ZNF804B: variants seen among roughly 807,000 people sequenced by gnomAD.
ZNF804B encodes zinc finger protein 804B.
A neutral mutation model predicts 101.4 loss-of-function variants in ZNF804B; 80 were observed. The ratio of observed to expected loss-of-function variants is 0.79; its 90% CI spans 0.66 to 0.95. ZNF804B has a LOEUF of 0.95. Among genes scored for constraint, ZNF804B ranks in the 40% least tolerant of loss-of-function variants. The pLI, the probability that ZNF804B is intolerant of heterozygous loss-of-function variation, is 0.00. For synonymous variants in ZNF804B, 622 were observed against 558.8 expected (o/e 1.11, Z -1.59); for missense variants, 1,673 against 1,561.9 (o/e 1.07, Z -1.20).
At chr7:88,802,664 T>A (rs1486313699) in intron 1 of ZNF804B, among the ~76,000 whole-genome samples, 1 of 151,938 alleles carries the variant, frequency 6.6e-6, no homozygotes, top group Non-Finnish European at 1.5e-5. Flanking sequence ...GTAATTTTTT[T>A]AAAGATAATA....
chr7:89,178,600 T>G (rs1467888089), intron 1 of ZNF804B, among the ~76,000 whole-genome samples: 1 of 152,158 alleles, frequency 6.6e-6, no homozygotes, highest in Non-Finnish European at 1.5e-5. Context: ...TTGTTTCTTT[T>G]TGTGTCTTAT....
intron 2 of ZNF804B, among the ~76,000 whole-genome samples, chr7:89,231,180 G>A (rs1343870069): frequency 6.6e-6 from 1 of 152,006 alleles, no homozygotes; most frequent in African/African-American, 2.4e-5. Context: ...ATATCCAGTT[G>A]TTCCAACATA....
chr7:89,067,966 G>A (rs767802867), intron 1 of ZNF804B, among the ~76,000 whole-genome samples: 37 of 150,766 alleles, frequency 2.5e-4, no homozygotes, highest in Non-Finnish European at 4.1e-4. Context: ...CTGCCACCAC[G>A]CCCAAACTAT....
intron 1 of ZNF804B, among the ~76,000 whole-genome samples, chr7:88,901,902 A>G (rs555808653): frequency 6.6e-6 from 1 of 151,914 alleles, no homozygotes; most frequent in South Asian, 2.1e-4. Flanking sequence ...TTGGTATGAT[A>G]CTAAAACCTA....
Position 88,798,219 on chromosome 7 carries a change from G to T in ZNF804B, c.108+38135G>T, listed in dbSNP as rs377375998. Among the ~76,000 whole-genome samples the T allele has an allele frequency of 2.6e-5, 4 of 152,006 alleles. No individual in the cohort carries two copies. In the South Asian group the frequency reaches 8.3e-4, roughly 32 times the overall value. The stretch of plus-strand genomic sequence containing the variant: ...TTACTCCTATCAAAAGAAGCTTAGT[G>T]GTCATCTTTTCTCACCATGTGTGCT... On this transcript the variant is annotated intron_variant, in intron 1 of 3. Transcript: ENST00000333190.
chr7:89,161,829 T>C (rs1041032844), intron 1 of ZNF804B, among the ~76,000 whole-genome samples: 12 of 152,170 alleles, frequency 7.9e-5, no homozygotes, highest in African/African-American at 2.9e-4. Context: ...GTTTGTTATT[T>C]GTAATACTTT....
intron 1 of ZNF804B, among the ~76,000 whole-genome samples, chr7:89,022,889 A>G (rs537712126): frequency 3.9e-5 from 6 of 152,292 alleles, no homozygotes; most frequent in Admixed American, 2.0e-4. Context: ...ATCTTAACCC[A>G]TGTTAATTCA....
chr7:88,792,043 G>A (rs1423655407), intron 1 of ZNF804B, among the ~76,000 whole-genome samples: 1 of 152,088 alleles, frequency 6.6e-6, no homozygotes, highest in African/African-American at 2.4e-5. Flanking sequence ...GATGTTGTCT[G>A]AAATTGCTGG....
chr7:89,098,625 G>T (rs758079592), intron 1 of ZNF804B, among the ~76,000 whole-genome samples: 2 of 151,912 alleles, frequency 1.3e-5, no homozygotes, highest in Non-Finnish European at 2.9e-5. Context: ...TAAAAACAAA[G>T]AAACAAACAA....
chr7:89,102,599 A>G (rs1583987278), intron 1 of ZNF804B, among the ~76,000 whole-genome samples: 1 of 151,896 alleles, frequency 6.6e-6, no homozygotes, highest in Non-Finnish European at 1.5e-5. Context: ...TGTCAGAGGT[A>G]TAATTTGTAA....
chr7:89,239,335 T>G (rs1789331152), intron 2 of ZNF804B, among the ~76,000 whole-genome samples: 1 of 152,076 alleles, frequency 6.6e-6, no homozygotes, highest in African/African-American at 2.4e-5. Flanking sequence ...TGAACTCTTC[T>G]CCCTCTCTTT....
chr7:89,255,148 G>A (rs1196956799), intron 2 of ZNF804B, among the ~76,000 whole-genome samples: 2 of 152,146 alleles, frequency 1.3e-5, no homozygotes, highest in Non-Finnish European at 1.5e-5. Context: ...AGAAGTAGGC[G>A]CCTTCTTCAC....
chr7:88,927,642 C>G (rs1792826492), intron 1 of ZNF804B, among the ~76,000 whole-genome samples: 1 of 152,134 alleles, frequency 6.6e-6, no homozygotes, highest in Non-Finnish European at 1.5e-5. Context: ...TGCTCTCTCT[C>G]TCTCTCTGTC....
intron 1 of ZNF804B, among the ~76,000 whole-genome samples, chr7:89,129,411 A>G (rs1790514341): frequency 6.6e-6 from 1 of 152,026 alleles, no homozygotes; most frequent in African/African-American, 2.4e-5. Flanking sequence ...TTAAACCACA[A>G]AGTACAACAA....
At chr7:88,998,706 GA>G (rs1788239157) in intron 1 of ZNF804B, among the ~76,000 whole-genome samples, 1 of 152,018 alleles carries the variant, frequency 6.6e-6, no homozygotes, top group Non-Finnish European at 1.5e-5. Context: ...TAATGTCACA[GA>G]AACATAAAAT....
At chr7:88,943,535 G>A (rs879809497) in intron 1 of ZNF804B, among the ~76,000 whole-genome samples, 4 of 151,832 alleles carry the variant, frequency 2.6e-5, no homozygotes, top group African/African-American at 4.8e-5. Flanking sequence ...CTGACCTGGA[G>A]TCTTCACTTT....
chr7:88,773,770 T>G (rs944971756), intron 1 of ZNF804B, among the ~76,000 whole-genome samples: 1 of 151,812 alleles, frequency 6.6e-6, no homozygotes, highest in Non-Finnish European at 1.5e-5. Context: ...AGTGGGAGCC[T>G]GCATGTCATA....
At chr7:89,246,726 C>A (rs1249856771) in intron 2 of ZNF804B, among the ~76,000 whole-genome samples, 1 of 152,178 alleles carries the variant, frequency 6.6e-6, no homozygotes, top group Non-Finnish European at 1.5e-5. Context: ...AGCAACCACT[C>A]ACCTGGATAA....
chr7:88,762,979 T>G (rs181620758), intron 1 of ZNF804B, among the ~76,000 whole-genome samples: 4 of 152,162 alleles, frequency 2.6e-5, no homozygotes, highest in African/African-American at 9.6e-5. Context: ...CAATTATTGG[T>G]TAAGACTACT....
Sources: gnomAD v4.1 joint callset for allele counts (sites outside exome capture counted in the v4.1 genomes callset) on GRCh38, gnomAD v4.1.1 for gene constraint, MANE v1.5 for transcripts, NCBI Gene and HGNC (gene_info 2026-07-23, HGNC 2026-07-21) for gene names.